Variants in NLRC4 observed in about 807,000 individuals in gnomAD.
The protein encoded by NLRC4 is NLR family CARD domain containing 4.
A neutral mutation model predicts 79.9 loss-of-function variants in NLRC4; 63 were observed. That is an observed-to-expected ratio of 0.79 (90% CI 0.64 to 0.97). The LOEUF is 0.97. Ranked by LOEUF, NLRC4 falls within the 50% of genes least tolerant of loss-of-function variation. The probability of loss-of-function intolerance (pLI) is 0.00; values close to 1 mark genes in which losing one functional copy is unlikely to be tolerated. For synonymous variants in NLRC4, 461 were observed against 456.5 expected (o/e 1.01, Z -0.12); for missense variants, 1,074 against 1,215.2 (o/e 0.88, Z 1.73).
chr2:32,264,576 C>G (rs945368635), intron 1 of NLRC4, among the ~76,000 whole-genome samples, 162 bp downstream of exon 1: 5 of 151,942 alleles, frequency 3.3e-5, no homozygotes, highest in African/African-American at 1.2e-4. Flanking sequence ...TTAACCACCC[C>G]TAAAGGTTTC....
intron 4 of NLRC4, among the ~76,000 whole-genome samples, chr2:32,242,528 C>G (rs535082904): frequency 1.3e-5 from 2 of 152,130 alleles, no homozygotes; most frequent in African/African-American, 4.8e-5. Context: ...TAAAATTTCC[C>G]GGAAAAGACA....
At chr2:32,256,700 G>A in intron 2 of NLRC4, 75 bp downstream of exon 2, 2 of 753,160 alleles carry the variant, frequency 2.7e-6, no homozygotes, top group Non-Finnish European at 2.5e-6. Context: ...GCCATGAACT[G>A]ATTTTCCATT....
At chr2:32,238,719 A>G (rs1197030534) in intron 5 of NLRC4, among the ~76,000 whole-genome samples, 1 of 152,082 alleles carries the variant, frequency 6.6e-6, no homozygotes, top group African/African-American at 2.4e-5. Context: ...GAGTGCTTCT[A>G]GTGCAACTGT....
At chr2:32,234,341 A>G (rs369303898) in intron 8 of NLRC4, among the ~76,000 whole-genome samples, 55 of 152,108 alleles carry the variant, frequency 3.6e-4, no homozygotes, top group East Asian at 1.9e-3. Context: ...AAGATTGCGC[A>G]ACTGCACTCC....
intron 4 of NLRC4, among the ~76,000 whole-genome samples, chr2:32,247,801 C>G (rs1686972876): frequency 1.3e-5 from 2 of 151,922 alleles, no homozygotes; most frequent in African/African-American, 4.8e-5. Context: ...GTCCTGACAC[C>G]TGGTAGAAAC....
At chr2:32,251,958 T>G (rs1687089148) in intron 3 of NLRC4, among the ~76,000 whole-genome samples, 1 of 152,178 alleles carries the variant, frequency 6.6e-6, no homozygotes, top group African/African-American at 2.4e-5. Flanking sequence ...AAATCTGTCA[T>G]GACCTTATTT....
In NLRC4 at chr2:32,249,552, A is replaced by G. The variant is rs930909296; in HGVS notation, c.2257+55T>C. The stretch of plus-strand genomic sequence containing the variant: ...CTCCTCTCTCCTTTTCCAAATTTAT[A>G]CACTGTTATTTTTTTTTAAGTGAAC... On this transcript the variant is annotated intron_variant, in intron 4 of 8. Coordinates refer to ENST00000402280, the MANE Select transcript of NLRC4 (RefSeq NM_001199138.2). The G allele has an allele frequency of 6.6e-6, 9 of 1,367,616 alleles. No individual in the cohort carries two copies. The African/African-American group carries it at 1.2e-4, about 18-fold the overall frequency. The allele number at this position is 1,367,616 out of a possible 1,614,324, so 84.7% of individuals were successfully genotyped here. A position where few individuals can be genotyped will look rare whatever the true frequency, so the allele number is the denominator to read the frequency against.
At chr2:32,232,099 A>C (rs1686551781) in intron 8 of NLRC4, among the ~76,000 whole-genome samples, 1 of 152,020 alleles carries the variant, frequency 6.6e-6, no homozygotes, top group Non-Finnish European at 1.5e-5. Flanking sequence ...TTTGGGGAGG[A>C]ATATCATAGA....
intron 5 of NLRC4, among the ~76,000 whole-genome samples, chr2:32,239,179 G>A (rs116569013): frequency 0.023 from 3,549 of 152,216 alleles, 119 homozygotes; most frequent in African/African-American, 0.08. Flanking sequence ...TACTTCGGAG[G>A]TTGAGGCATT....
intron 4 of NLRC4, among the ~76,000 whole-genome samples, chr2:32,246,090 C>T (rs771716755): frequency 6.6e-5 from 10 of 151,982 alleles, no homozygotes; most frequent in Admixed American, 6.6e-5. Flanking sequence ...ATTCTGAGGC[C>T]GGAGACTTGC....
intron 3 of NLRC4, 79 bp downstream of exon 3, chr2:32,252,340 G>C (rs973717605): frequency 2.9e-6 from 3 of 1,022,676 alleles, no homozygotes; most frequent in East Asian, 2.4e-5. Context: ...AAAAGCAGAG[G>C]CTCTGCCATG....
intron 1 of NLRC4, among the ~76,000 whole-genome samples, chr2:32,260,650 A>G (rs1373800867): frequency 6.6e-6 from 1 of 152,248 alleles, no homozygotes; most frequent in Non-Finnish European, 1.5e-5. Flanking sequence ...AGCTGTGCCC[A>G]TAGAAAAAAG....
At chr2:32,259,774 C>T (rs572897785) in intron 1 of NLRC4, among the ~76,000 whole-genome samples, 3 of 152,152 alleles carry the variant, frequency 2.0e-5, no homozygotes, top group South Asian at 4.1e-4. Flanking sequence ...TTTTTTAAAC[C>T]GTAAATTAGC....
chr2:32,242,889 A>C (rs1686837913), intron 4 of NLRC4, among the ~76,000 whole-genome samples: 1 of 151,984 alleles, frequency 6.6e-6, no homozygotes, highest in South Asian at 2.1e-4. Context: ...CCTACAAAAT[A>C]TTTTTTAAAT....
At chr2:32,265,225 A>T (rs1009910617), upstream of NLRC4, among the ~76,000 whole-genome samples, 2 of 151,870 alleles carry the variant, frequency 1.3e-5, no homozygotes, top group African/African-American at 4.8e-5. Context: ...CTGTCACCCA[A>T]GCTGGAGGGC....
chr2:32,241,614 G>A (rs1242790895), intron 4 of NLRC4, among the ~76,000 whole-genome samples: 2 of 152,000 alleles, frequency 1.3e-5, no homozygotes, highest in South Asian at 2.1e-4. Flanking sequence ...TCCTGACCTC[G>A]TGATCCGCCT....
At chr2:32,237,301 C>A (rs868356318) in intron 6 of NLRC4, among the ~76,000 whole-genome samples, 4 of 152,138 alleles carry the variant, frequency 2.6e-5, no homozygotes, top group South Asian at 2.1e-4. Context: ...CTTAAAGTAT[C>A]TTCTGGGTTT....
intron 4 of NLRC4, among the ~76,000 whole-genome samples, chr2:32,245,031 C>T (rs968056475): frequency 4.0e-5 from 6 of 151,350 alleles, no homozygotes; most frequent in African/African-American, 7.3e-5. Context: ...GATTATAGAC[C>T]GGGCACGGTG....
intron 5 of NLRC4, among the ~76,000 whole-genome samples, chr2:32,240,429 C>G (rs1287887245): frequency 6.8e-6 from 1 of 147,188 alleles, no homozygotes; most frequent in African/African-American, 2.5e-5. Flanking sequence ...AAATCCAACA[C>G]ACGAGAAAAC....
Sources: gnomAD v4.1 joint callset for allele counts (sites outside exome capture counted in the v4.1 genomes callset) on GRCh38, gnomAD v4.1.1 for gene constraint, MANE v1.5 for transcripts, NCBI Gene and HGNC (gene_info 2026-07-23, HGNC 2026-07-21) for gene names.